Variants in MASP1 observed in about 807,000 individuals in gnomAD.
MASP1 encodes MBL associated serine protease 1.
Under a neutral mutation model 77.1 loss-of-function variants are expected in MASP1, and 59 were observed. That is an observed-to-expected ratio of 0.77 (90% confidence interval 0.62 to 0.95). The LOEUF (loss-of-function observed/expected upper bound fraction) is 0.95. MASP1 is among the 40% of genes least tolerant of loss of function. The probability of loss-of-function intolerance (pLI) is 0.00; values close to 1 mark genes in which losing one functional copy is unlikely to be tolerated. For synonymous variants in MASP1, 362 were observed against 354.5 expected (o/e 1.02, Z -0.24); for missense variants, 885 against 912.9 (o/e 0.97, Z 0.39).
chr3:187,244,999 G>A (rs1713961960), intron 8 of MASP1: 1 of 152,200 alleles, frequency 6.6e-6, no homozygotes, highest in Non-Finnish European at 1.5e-5. Context: ...TGGAGGAAAA[G>A]ATGAAGGAGG....
rs1045785854 is a variant in MASP1, at chr3:187,273,535, G to A, written c.238-10815C>T. On this transcript the variant is annotated intron_variant, in intron 2 of 10. Transcript: ENST00000296280. Reference sequence around the variant, plus strand: ...GTGAGCCGTAGGCCAATGATTCACCGACAGCCCCGGGCTGACTCCTGCTCA... The same window carrying A: ...GTGAGCCGTAGGCCAATGATTCACCAACAGCCCCGGGCTGACTCCTGCTCA... 3.3e-5 allele frequency among the ~76,000 whole-genome samples: 5 copies of A among 152,108 alleles called. No individual in the cohort carries two copies. The East Asian group carries it at 5.8e-4, about 18-fold the overall frequency.
At chr3:187,268,467 A>G (rs972108663) in intron 2 of MASP1, among the ~76,000 whole-genome samples, 1 of 151,928 alleles carries the variant, frequency 6.6e-6, no homozygotes. Context: ...AGCCTGGGCA[A>G]CAGAGGACAG....
intron 8 of MASP1, chr3:187,247,120 G>A: frequency 6.9e-7 from 1 of 1,439,698 alleles, no homozygotes; most frequent in Non-Finnish European, 9.1e-7. Context: ...CTGGAATAGT[G>A]TTTGAATGAT....
At chr3:187,289,180 C>T (rs202198682) in intron 1 of MASP1, among the ~76,000 whole-genome samples, 6 of 151,908 alleles carry the variant, frequency 3.9e-5, no homozygotes, top group Admixed American at 2.0e-4. Context: ...AGAGGCCCCC[C>T]GTAGGAACAG....
rs9859005 is a variant in MASP1 at position 187,249,294 on chromosome 3, G to A, written c.1090+957C>T. On this transcript the variant is annotated intron_variant, in intron 8 of 10. Coordinates refer to ENST00000296280, the MANE Select transcript of MASP1 (RefSeq NM_139125.4). ...GCTGGTCTCGGACTCCGGAACTCAA[G>A]TGATCCACCTGCTTCTGCCTCCCAA... Among the ~76,000 whole-genome samples the A allele has an allele frequency of 6.6e-3, 1,004 of 152,278 alleles. 14 individuals carry two copies. The highest frequency in any genetic ancestry group is 0.023 in the African/African-American group (970 of 41,560).
exon 13 of MASP1, chr3:187,225,474 G>C (rs1202710580): frequency 6.2e-7 from 1 of 1,614,048 alleles, no homozygotes; most frequent in Non-Finnish European, 8.5e-7. Flanking sequence ...CCGAGATGCT[G>C]TTCATTTTCA....
At chr3:187,239,283 G>A (rs2108518466) in intron 10 of MASP1, among the ~76,000 whole-genome samples, 1 of 152,198 alleles carries the variant, frequency 6.6e-6, no homozygotes, top group Admixed American at 6.5e-5. Context: ...AACCCAGGAG[G>A]CAGAGATTGC....
chr3:187,263,369 G>A, intron 2 of MASP1: 1 of 152,856 alleles, frequency 6.5e-6, no homozygotes, highest in Non-Finnish European at 1.5e-5. Flanking sequence ...TCAGTGCATG[G>A]AACAGGACCT....
At chr3:187,251,566 TG>T in intron 7 of MASP1, 67 bp downstream of exon 7, 1 of 1,279,790 alleles carries the variant, frequency 7.8e-7, no homozygotes, top group Non-Finnish European at 1.1e-6. Context: ...CCATCTGCCC[TG>T]GGGAGGGGCA....
At chr3:187,221,126 G>T (rs769762005) in exon 15 of MASP1, 1 of 1,613,446 alleles carries the variant, frequency 6.2e-7, no homozygotes, top group Admixed American at 1.7e-5. Context: ...CAACAATCGG[G>T]ATTTCAATCT....
intron 2 of MASP1, among the ~76,000 whole-genome samples, chr3:187,283,993 C>T (rs551318527): frequency 5.3e-4 from 80 of 152,308 alleles, no homozygotes; most frequent in African/African-American, 1.8e-3. Flanking sequence ...TAGGATGATA[C>T]ATACTCATGG....
In MASP1 at chr3:187,235,370, A is replaced by G. The variant is rs999197847; in HGVS notation, c.*314T>C. ...GTGAATAAAGGCCACTGGGGTAAGA[A>G]GCATGGCCTGGAAAGGAGTGCTGGG... On this transcript the variant is annotated 3_prime_UTR_variant, in exon 11 of 11. Transcript: ENST00000296280. 2.8e-6 allele frequency: 4 copies of G among 1,427,148 alleles called. No individual in the cohort carries two copies. Among genetic ancestry groups the G allele is most frequent in the South Asian group, 2.4e-5 (2 of 82,204 alleles). 88.4% of individuals were successfully genotyped at this position (1,427,148 alleles called of 1,614,324 possible). A position where few individuals can be genotyped will look rare whatever the true frequency, so the allele number is the denominator to read the frequency against.
At chr3:187,232,613 C>G (rs933281806), downstream of MASP1, among the ~76,000 whole-genome samples, 1 of 152,106 alleles carries the variant, frequency 6.6e-6, no homozygotes, top group Non-Finnish European at 1.5e-5. Context: ...TTCAATCAGT[C>G]GCTGAGCTGC....
intron 12 of MASP1, chr3:187,226,229 C>T (rs1402484937): frequency 2.2e-5 from 14 of 637,530 alleles, no homozygotes; most frequent in Middle Eastern, 4.1e-4. Context: ...CTCATGGTCA[C>T]GTGTCTGGAG....
At chr3:187,283,787 C>T (rs887178535) in intron 2 of MASP1, among the ~76,000 whole-genome samples, 9 of 152,102 alleles carry the variant, frequency 5.9e-5, no homozygotes, top group African/African-American at 2.2e-4. Flanking sequence ...ATTTTTCTTC[C>T]GGTTAAGACA....
chr3:187,261,261 A>G (rs556880523), intron 3 of MASP1, among the ~76,000 whole-genome samples: 8 of 152,254 alleles, frequency 5.3e-5, no homozygotes, highest in Non-Finnish European at 1.2e-4. Flanking sequence ...ACATAGAGGC[A>G]TTAACAAACT....
At position 187,241,491 on chromosome 3, in the gene MASP1, G is replaced by T; in HGVS notation, c.1293C>A (p.Thr431=). The T allele has an allele frequency of 6.2e-7, 1 of 1,613,610 alleles. No individual in the cohort carries two copies. Among genetic ancestry groups the T allele is most frequent in the South Asian group, 1.1e-5 (1 of 91,054 alleles). Reference sequence around the variant, plus strand: ...TGGAGGGTGAGGTACCTGGAAGGCAGGTGGGTAGGCTTCTCCCCAATACTT... The same window carrying T: ...TGGAGGGTGAGGTACCTGGAAGGCATGTGGGTAGGCTTCTCCCCAATACTT... ...MNKVLGRSLP[T]CLPECGQPSR... The change falls in exon 10 of 11, where the codon ACC becomes ACA. Residue 431 remains threonine, a synonymous_variant. Transcript: ENST00000296280.
chr3:187,236,379 C>A lies in MASP1; in HGVS notation c.1492G>T (p.Val498Leu), dbSNP rs1560239261. 5.6e-6 allele frequency: 9 copies of A among 1,614,102 alleles called. No homozygotes were observed. The highest frequency in any genetic ancestry group is 1.7e-5 in the Admixed American group (1 of 60,006). The stretch of plus-strand genomic sequence containing the variant: ...GTGTCTCTACGCTGGGAGCGCAGCA[C>A]ATGAGCTGCTGTGAGGATCCAGGAC... ...SASWILTAAH[V>L]LRSQRRDTTV... Residue 498 changes from valine (V) to leucine (L), a missense_variant, in exon 11 of 11, where the codon GTG becomes TTG. Val to Leu is a conservative substitution (Grantham distance 32). Transcript: ENST00000296280.
chr3:187,225,304 G>A (rs759858709), intron 13 of MASP1: 1 of 1,612,172 alleles, frequency 6.2e-7, no homozygotes, highest in Non-Finnish European at 8.5e-7. Context: ...CCCTGCAGAG[G>A]TGGAGGTAGG....
Sources: allele counts gnomAD v4.1 joint callset (sites outside exome capture counted in the v4.1 genomes callset), GRCh38; gene constraint gnomAD v4.1.1; transcripts MANE v1.5; gene names NCBI Gene and HGNC (gene_info 2026-07-23, HGNC 2026-07-21).